RAPGEF4: variants seen among roughly 807,000 people sequenced by gnomAD.
RAPGEF4 encodes RAP guanine-nucleotide-exchange factor (GEF) 4.
In RAPGEF4, 66 loss-of-function variants were observed where a neutral mutation model predicts 147.9. That is an observed-to-expected ratio of 0.45 (90% CI 0.37 to 0.55). The LOEUF is 0.55. Ranked by LOEUF, RAPGEF4 falls within the 20% of genes least tolerant of loss-of-function variation. The pLI is 0.00. For synonymous variants in RAPGEF4, 419 were observed against 442.7 expected (o/e 0.95, Z 0.67); for missense variants, 1,071 against 1,257.3 (o/e 0.85, Z 2.24).
chr2:172,905,417 C>A (rs1424988434), intron 4 of RAPGEF4, among the ~76,000 whole-genome samples: 1 of 152,186 alleles, frequency 6.6e-6, no homozygotes, highest in Non-Finnish European at 1.5e-5. Flanking sequence ...CAGGATTAAT[C>A]TGACTGCCTT....
chr2:172,782,215 C>G (rs1684749554), intron 1 of RAPGEF4, among the ~76,000 whole-genome samples: 1 of 152,230 alleles, frequency 6.6e-6, no homozygotes, highest in Admixed American at 6.5e-5. Flanking sequence ...CCAGCTGATT[C>G]AGTTGGAGAA....
chr2:172,865,174 G>A (rs1358914935), intron 4 of RAPGEF4, among the ~76,000 whole-genome samples: 1 of 152,020 alleles, frequency 6.6e-6, no homozygotes, highest in Non-Finnish European at 1.5e-5. Context: ...TGGACCCCTC[G>A]GCACAACTGA....
At chr2:172,985,367 G>A (rs1692139117) in intron 11 of RAPGEF4, 66 bp from the exon 12 acceptor site, 7 of 1,612,172 alleles carry the variant, frequency 4.3e-6, no homozygotes, top group East Asian at 2.2e-5. Context: ...CCCAGAAAGA[G>A]TACAACCCTT....
chr2:172,930,913 C>G (rs936259951), intron 6 of RAPGEF4, among the ~76,000 whole-genome samples: 6 of 152,114 alleles, frequency 3.9e-5, no homozygotes, highest in African/African-American at 1.4e-4. Context: ...GCTTTTCACT[C>G]AATTGTAGTT....
At chr2:172,753,238 T>C (rs946215792) in intron 1 of RAPGEF4, among the ~76,000 whole-genome samples, 21 of 152,082 alleles carry the variant, frequency 1.4e-4, no homozygotes, top group Non-Finnish European at 2.5e-4. Flanking sequence ...AAAATGTATA[T>C]ATGATTAATC....
At chr2:172,982,980 T>G (rs1691841248) in intron 10 of RAPGEF4, among the ~76,000 whole-genome samples, 1 of 152,140 alleles carries the variant, frequency 6.6e-6, no homozygotes, top group Admixed American at 6.5e-5. Flanking sequence ...TCTGCATACA[T>G]CCTATATTTG....
chr2:172,785,217 T>C (rs1685084572), intron 1 of RAPGEF4, among the ~76,000 whole-genome samples: 1 of 152,228 alleles, frequency 6.6e-6, no homozygotes, highest in Admixed American at 6.5e-5. Context: ...GCTAATAGTG[T>C]TATAAAAAGA....
At chr2:173,015,435 A>T (rs1695417295) in intron 18 of RAPGEF4, among the ~76,000 whole-genome samples, 1 of 152,226 alleles carries the variant, frequency 6.6e-6, no homozygotes, top group African/African-American at 2.4e-5. Flanking sequence ...GTGTTCTAAA[A>T]TTATAAATTA....
chr2:172,740,352 G>A (rs6740395), intron 1 of RAPGEF4, among the ~76,000 whole-genome samples: 17,296 of 152,200 alleles, frequency 0.11, 1,170 homozygotes, highest in African/African-American at 0.19. Flanking sequence ...AACACTGGCC[G>A]TCACAGCCAA....
intron 4 of RAPGEF4, among the ~76,000 whole-genome samples, chr2:172,832,205 T>A (rs1253687235): frequency 6.6e-6 from 1 of 152,084 alleles, no homozygotes; most frequent in South Asian, 2.1e-4. Context: ...AGTTTTTGAA[T>A]TTTTTTTAGA....
intron 3 of RAPGEF4, among the ~76,000 whole-genome samples, chr2:172,802,095 G>A (rs1215808606): frequency 6.6e-6 from 1 of 152,200 alleles, no homozygotes. Flanking sequence ...GGGATGTGGA[G>A]GTGTAGAGAG....
chr2:172,882,826 C>T (rs1162063810), intron 4 of RAPGEF4, among the ~76,000 whole-genome samples: 1 of 145,666 alleles, frequency 6.9e-6, no homozygotes, highest in African/African-American at 2.5e-5. Flanking sequence ...ATCATCATCA[C>T]CATTATCACC....
intron 15 of RAPGEF4, among the ~76,000 whole-genome samples, chr2:172,991,353 T>C (rs1692819486): frequency 6.6e-6 from 1 of 152,200 alleles, no homozygotes; most frequent in Admixed American, 6.5e-5. Flanking sequence ...AATGAGCGTC[T>C]TTGATGGAAA....
intron 8 of RAPGEF4, 58 bp downstream of exon 8, chr2:172,961,286 GAAC>G: frequency 7.5e-7 from 1 of 1,326,410 alleles, no homozygotes; most frequent in Non-Finnish European, 1.1e-6. Flanking sequence ...AGTGAAAATG[GAAC>G]AAAAATGCTT....
intron 4 of RAPGEF4, among the ~76,000 whole-genome samples, chr2:172,880,577 G>T (rs1696511663): frequency 6.6e-6 from 1 of 152,134 alleles, no homozygotes; most frequent in African/African-American, 2.4e-5. Flanking sequence ...TTCCTTGGTT[G>T]GATATAAGGG....
intron 6 of RAPGEF4, among the ~76,000 whole-genome samples, chr2:172,929,727 A>G (rs1405971966): frequency 1.3e-5 from 2 of 152,186 alleles, no homozygotes; most frequent in African/African-American, 4.8e-5. Context: ...CTATGAAAAT[A>G]TGGCACTGCA....
chr2:173,044,292 T>C (rs1406045895), intron 29 of RAPGEF4, among the ~76,000 whole-genome samples: 1 of 147,200 alleles, frequency 6.8e-6, no homozygotes, highest in African/African-American at 2.5e-5. Flanking sequence ...GGGGTGAGTA[T>C]TGTCTTATGC....
intron 4 of RAPGEF4, among the ~76,000 whole-genome samples, chr2:172,885,421 G>A (rs544983471): frequency 6.6e-6 from 1 of 152,200 alleles, no homozygotes; most frequent in Non-Finnish European, 1.5e-5. Flanking sequence ...TACTGGTTTA[G>A]GTTCCCAGCT....
rs889610643 is a variant in RAPGEF4 at position 172,976,620 on chromosome 2, C to T, written c.1005-6876C>T. 5.3e-5 allele frequency among the ~76,000 whole-genome samples: 8 copies of T among 152,242 alleles called. No individual in the cohort carries two copies. In the East Asian group the frequency reaches 5.8e-4, roughly 11 times the overall value. On this transcript the variant is annotated intron_variant, in intron 10 of 30. Coordinates refer to ENST00000397081, the MANE Select transcript of RAPGEF4 (RefSeq NM_007023.4). ...TAGATATTTATAATGTTGATTTCTC[C>T]GGGTGTTTTCCCCTTGTACCAAGGT... is the stretch of plus-strand genomic sequence containing the variant.
Sources: allele counts gnomAD v4.1 joint callset (sites outside exome capture counted in the v4.1 genomes callset), GRCh38; gene constraint gnomAD v4.1.1; transcripts MANE v1.5; gene names NCBI Gene and HGNC (gene_info 2026-07-23, HGNC 2026-07-21).